The following DCC variants were observed in gnomAD, a reference collection of about 807,000 sequenced individuals.
The protein encoded by DCC is DCC netrin 1 receptor, also known as netrin receptor DCC.
In DCC, 58 loss-of-function variants were observed where a neutral mutation model predicts 172.5. The ratio of observed to expected loss-of-function variants is 0.34; its 90% CI spans 0.27 to 0.42. DCC has a LOEUF of 0.42. Among genes scored for constraint, DCC ranks in the 10% least tolerant of loss-of-function variants. The probability of loss-of-function intolerance (pLI) is 1.00; values close to 1 mark genes in which losing one functional copy is unlikely to be tolerated. For missense variants in DCC, 1,740 were observed against 1,791.0 expected (o/e 0.97, Z 0.51); for synonymous variants, 709 against 644.5 (o/e 1.10, Z -1.52).
At chr18:52,892,421 T>A (rs951029514) in intron 2 of DCC, 2 of 152,126 alleles carry the variant, frequency 1.3e-5, no homozygotes, top group Non-Finnish European at 2.9e-5. Flanking sequence ...AGGTGTCATG[T>A]GATATAACTG....
chr18:52,674,033 A>G (rs568814685), intron 1 of DCC, among the ~76,000 whole-genome samples: 2 of 152,134 alleles, frequency 1.3e-5, no homozygotes, highest in Non-Finnish European at 2.9e-5. Context: ...AGCTGTCCCC[A>G]GTGTGCAAGC....
intron 12 of DCC, among the ~76,000 whole-genome samples, chr18:53,279,757 A>T (rs2056848790): frequency 6.6e-6 from 1 of 152,136 alleles, no homozygotes; most frequent in Non-Finnish European, 1.5e-5. Context: ...CACAATCATA[A>T]AAAAGAATGA....
chr18:52,808,032 T>A lies in DCC; in HGVS notation c.412+55658T>A, dbSNP rs146422100. The stretch of plus-strand genomic sequence containing the variant: ...CTGGGGTTGCTGTGACCGCTAATGC[T>A]TTGTGTTGCTAAAACCCACACATCA... On this transcript the variant is annotated intron_variant, in intron 2 of 28. Transcript: ENST00000442544. Among the ~76,000 whole-genome samples the A allele has an allele frequency of 2.6e-3, 389 of 152,324 alleles. 3 individuals carry two copies. The highest frequency in any genetic ancestry group is 4.1e-3 in the Non-Finnish European group (279 of 68,028).
chr18:52,377,070 T>C (rs1410351754), intron 1 of DCC, among the ~76,000 whole-genome samples: 1 of 152,240 alleles, frequency 6.6e-6, no homozygotes, highest in African/African-American at 2.4e-5. Flanking sequence ...AGAAAAGCGC[T>C]GACTGTTCCT....
At chr18:52,903,050 C>T (rs544097204) in intron 2 of DCC, among the ~76,000 whole-genome samples, 1 of 152,160 alleles carries the variant, frequency 6.6e-6, no homozygotes, top group Non-Finnish European at 1.5e-5. Flanking sequence ...GTATCGAATT[C>T]TTCCAAGTAG....
chr18:52,549,387 C>A (rs1468590562), intron 1 of DCC, among the ~76,000 whole-genome samples: 1 of 151,992 alleles, frequency 6.6e-6, no homozygotes, highest in Non-Finnish European at 1.5e-5. Flanking sequence ...TCTCTTATCC[C>A]CATTTGTCTC....
rs557109707 is a variant in DCC, at chr18:52,471,696, C to T, written c.91+130818C>T. Among the ~76,000 whole-genome samples, 36 of 152,226 alleles carry T rather than the reference C, an allele frequency of 2.4e-4. No homozygotes were observed. The South Asian group carries it at 4.4e-3, about 18-fold the overall frequency. The stretch of plus-strand genomic sequence containing the variant: ...TAGTAAATATATATCAGAGTAATGA[C>T]GAAGAATGCAGCTTCCGCTCACAGG... On this transcript the variant is annotated intron_variant, in intron 1 of 28. Transcript: ENST00000442544.
At chr18:52,357,351 C>T (rs1984415164) in intron 1 of DCC, among the ~76,000 whole-genome samples, 1 of 151,864 alleles carries the variant, frequency 6.6e-6, no homozygotes, top group South Asian at 2.1e-4. Context: ...GTGAAAAACC[C>T]ACAAAGATAG....
chr18:53,146,712 A>C (rs2043921438), intron 7 of DCC, among the ~76,000 whole-genome samples: 1 of 152,246 alleles, frequency 6.6e-6, no homozygotes. Flanking sequence ...TCTTGATGAG[A>C]ATTAGTGAAC....
chr18:52,700,361 A>ACACACATG (rs2036101560), intron 1 of DCC, among the ~76,000 whole-genome samples: 1 of 149,956 alleles, frequency 6.7e-6, no homozygotes, highest in Admixed American at 6.7e-5. Flanking sequence ...TCACATGCAC[A>ACACACATG]CACACACATG....
intron 7 of DCC, among the ~76,000 whole-genome samples, chr18:53,128,870 C>CACATATATATATATATATATATAT (rs1300738812): frequency 2.6e-5 from 2 of 77,460 alleles, no homozygotes; most frequent in Non-Finnish European, 4.6e-5. Flanking sequence ...CACACACACA[C>CACATATATATATATATATATATAT]ATATATATAT....
chr18:52,984,011 A>G (rs2041252593), intron 5 of DCC, among the ~76,000 whole-genome samples: 1 of 152,250 alleles, frequency 6.6e-6, no homozygotes, highest in East Asian at 1.9e-4. Context: ...TTGTGTTGAA[A>G]TATTTTCACA....
intron 2 of DCC, among the ~76,000 whole-genome samples, chr18:52,793,359 C>G (rs1451723070): frequency 6.6e-6 from 1 of 152,162 alleles, no homozygotes; most frequent in South Asian, 2.1e-4. Flanking sequence ...GTCTTTGAGG[C>G]TCAACTTTAC....
At chr18:52,838,159 C>T (rs1285042959) in intron 2 of DCC, among the ~76,000 whole-genome samples, 4 of 146,948 alleles carry the variant, frequency 2.7e-5, no homozygotes, top group Non-Finnish European at 6.0e-5. Context: ...TTAAATTGTT[C>T]ATCTACAATT....
At chr18:52,777,920 A>G (rs906783789) in intron 2 of DCC, among the ~76,000 whole-genome samples, 1 of 152,222 alleles carries the variant, frequency 6.6e-6, no homozygotes, top group African/African-American at 2.4e-5. Flanking sequence ...GCAGTGGACA[A>G]GGACAGCAGT....
At chr18:53,165,941 A>T (rs2144423351) in intron 8 of DCC, among the ~76,000 whole-genome samples, 1 of 152,318 alleles carries the variant, frequency 6.6e-6, no homozygotes, top group Non-Finnish European at 1.5e-5. Context: ...TCAGACTTGC[A>T]GTTTCAAAAG....
chr18:53,456,424 G>C (rs1158536926), intron 23 of DCC, among the ~76,000 whole-genome samples: 1 of 152,170 alleles, frequency 6.6e-6, no homozygotes, highest in Non-Finnish European at 1.5e-5. Flanking sequence ...GGCTATTTTA[G>C]AAGCAGAAGG....
intron 15 of DCC, among the ~76,000 whole-genome samples, chr18:53,363,583 T>G (rs2057971808): frequency 6.6e-6 from 1 of 152,140 alleles, no homozygotes; most frequent in Non-Finnish European, 1.5e-5. Context: ...CTCACCGGCA[T>G]AGACATTTAC....
chr18:52,505,566 G>C (rs538135591), intron 1 of DCC, among the ~76,000 whole-genome samples: 2 of 152,198 alleles, frequency 1.3e-5, no homozygotes, highest in African/African-American at 2.4e-5. Context: ...GAGGAATTTA[G>C]ATTATTTAAT....
Sources: gnomAD v4.1 joint callset for allele counts (sites outside exome capture counted in the v4.1 genomes callset) on GRCh38, gnomAD v4.1.1 for gene constraint, MANE v1.5 for transcripts, NCBI Gene and HGNC (gene_info 2026-07-23, HGNC 2026-07-21) for gene names.